Variants in SLC41A3 observed in about 807,000 individuals in gnomAD.
The protein encoded by SLC41A3 is SLC41A1-like 2.
Under a neutral mutation model 45.4 loss-of-function variants are expected in SLC41A3, and 44 were observed. The observed-to-expected ratio is 0.97, with a 90% CI of 0.76 to 1.25. The LOEUF is 1.25. Among genes scored for constraint, SLC41A3 ranks in the 50% most tolerant of loss-of-function variants. SLC41A3 has a pLI of 0.00. For synonymous variants in SLC41A3, 256 were observed against 252.4 expected, an observed-to-expected ratio of 1.01 and a Z score of -0.13; for missense variants, 550 against 600.6, an observed-to-expected ratio of 0.92 and a Z score of 0.88.
At position 126,012,719 on chromosome 3, in the gene SLC41A3, G is replaced by C. The variant is rs751499308; in HGVS notation, c.1001C>G (p.Thr334Ser). Residue 334 changes from threonine to serine, a missense_variant, in exon 9 of 11, where the codon ACC becomes AGC. Coordinates refer to ENST00000360370, the MANE Select transcript of SLC41A3 (RefSeq NM_017836.4). ...GVGGNLVAIQ[T>S]SRISTYLHMW... Reference sequence around the variant, plus strand: ...GTGCAGGTAGGTTGAGATTCGGCTGGTCTGAATGGCCACCAGATTGCCACC... The same window carrying C: ...GTGCAGGTAGGTTGAGATTCGGCTGCTCTGAATGGCCACCAGATTGCCACC... 4 of 1,614,216 alleles carry C rather than the reference G, an allele frequency of 2.5e-6. No homozygotes were observed. The highest frequency in any genetic ancestry group is 1.1e-5 in the South Asian group (1 of 91,076).
In SLC41A3 at chr3:126,012,823, C is replaced by G. The variant is rs1559806223; in HGVS notation, c.971-74G>C. 2.5e-5 allele frequency: 39 copies of G among 1,581,248 alleles called. No individual in the cohort carries two copies. The South Asian group carries it at 4.2e-4, about 17-fold the overall frequency. ...AAGTTGTATCCCTTATTTTAAGTTCCCTTCCTCCAGGAAGTCTTCTTTGGT... is the reference window on the plus strand; with the variant it reads ...AAGTTGTATCCCTTATTTTAAGTTCGCTTCCTCCAGGAAGTCTTCTTTGGT... On this transcript the variant is annotated intron_variant, in intron 8 of 10. Transcript: ENST00000360370.
At chr3:126,027,438 G>A (rs1308815843) in intron 4 of SLC41A3, among the ~76,000 whole-genome samples, 1 of 152,114 alleles carries the variant, frequency 6.6e-6, no homozygotes. Context: ...CACAAGCTAA[G>A]CAGATGCCAG....
At chr3:126,010,416 G>A (rs1208189624) in intron 9 of SLC41A3, among the ~76,000 whole-genome samples, 1 of 152,174 alleles carries the variant, frequency 6.6e-6, no homozygotes, top group African/African-American at 2.4e-5. Context: ...AGGTTGCAGT[G>A]AGCCAAGATT....
At position 126,011,061 on chromosome 3, in the gene SLC41A3, T is replaced by A. The variant is rs142053080; in HGVS notation, c.1105+1554A>T. Among the ~76,000 whole-genome samples, 242 of 152,202 alleles carry A rather than the reference T, an allele frequency of 1.6e-3. 1 individual carries two copies. The highest frequency in any genetic ancestry group is 7.6e-3 in the Admixed American group (117 of 15,302). ...AGAGCAAGAAAAATCTCAACCTGGATGAGAAAAGACAACCAACAGACAGCA... is the reference window on the plus strand; with the variant it reads ...AGAGCAAGAAAAATCTCAACCTGGAAGAGAAAAGACAACCAACAGACAGCA... On this transcript the variant is annotated intron_variant, in intron 9 of 10. Coordinates refer to ENST00000360370, the MANE Select transcript of SLC41A3 (RefSeq NM_017836.4).
chr3:126,092,697 G>C (rs1280413278), intron 1 of SLC41A3: 3 of 152,578 alleles, frequency 2.0e-5, no homozygotes, highest in Admixed American at 2.0e-4. Context: ...GAGGACACCC[G>C]AGTACTCTTA....
intron 1 of SLC41A3, among the ~76,000 whole-genome samples, chr3:126,093,645 A>C (rs1412177857): frequency 6.6e-6 from 1 of 152,260 alleles, no homozygotes; most frequent in Non-Finnish European, 1.5e-5. Context: ...ATTGATTTAG[A>C]TTACAATGGG....
intron 1 of SLC41A3, among the ~76,000 whole-genome samples, chr3:126,096,886 G>T (rs1358713318): frequency 6.6e-6 from 1 of 152,168 alleles, no homozygotes; most frequent in Non-Finnish European, 1.5e-5. Flanking sequence ...GCTGGTCTTG[G>T]CAGGTCCTCA....
At chr3:126,070,352 C>G (rs772451305) in intron 1 of SLC41A3, 1 of 152,228 alleles carries the variant, frequency 6.6e-6, no homozygotes, top group Non-Finnish European at 1.5e-5. Context: ...GAGCTCAAAC[C>G]GTATTGTGAA....
At chr3:126,036,812 T>C (rs894213528) in intron 3 of SLC41A3, among the ~76,000 whole-genome samples, 2 of 152,228 alleles carry the variant, frequency 1.3e-5, no homozygotes, top group African/African-American at 4.8e-5. Context: ...AGATGGAAGA[T>C]GGAACATCTG....
intron 5 of SLC41A3, chr3:126,023,783 C>T (rs898514439): frequency 6.6e-6 from 1 of 152,210 alleles, no homozygotes. Context: ...TCCTAGTCCC[C>T]ATCCACAGCC....
chr3:126,036,092 C>T (rs931556796), intron 3 of SLC41A3, among the ~76,000 whole-genome samples: 18 of 152,238 alleles, frequency 1.2e-4, no homozygotes, highest in Non-Finnish European at 2.2e-4. Context: ...TAAAAAACTT[C>T]TTTGAATCTG....
intron 2 of SLC41A3, among the ~76,000 whole-genome samples, chr3:126,057,564 C>A (rs565501917): frequency 6.6e-6 from 1 of 152,206 alleles, no homozygotes; most frequent in East Asian, 1.9e-4. Context: ...CACTTCCACT[C>A]CCATCCCTAA....
At position 126,022,766 on chromosome 3, in the gene SLC41A3, T is replaced by G. The variant is rs368782101; in HGVS notation, c.745+20A>C. The G allele has an allele frequency of 4.3e-6, 7 of 1,613,782 alleles. No homozygotes were observed. The African/African-American group carries it at 9.3e-5, about 22-fold the overall frequency. ...CCCCTCCACGGAGCCTTTGTGTCTA[T>G]AGAAGAAGACACTCTTTACCTTTGT... On this transcript the variant is annotated intron_variant, in intron 6 of 10. Coordinates refer to ENST00000360370, the MANE Select transcript of SLC41A3 (RefSeq NM_017836.4).
At chr3:126,099,403 T>C (rs1945665425) in intron 1 of SLC41A3, among the ~76,000 whole-genome samples, 1 of 152,222 alleles carries the variant, frequency 6.6e-6, no homozygotes, top group Non-Finnish European at 1.5e-5. Flanking sequence ...GTGAATTTCA[T>C]TAGAGGATTT....
At chr3:126,081,540 T>C (rs982618023) in intron 1 of SLC41A3, among the ~76,000 whole-genome samples, 1 of 152,258 alleles carries the variant, frequency 6.6e-6, no homozygotes, top group African/African-American at 2.4e-5. Flanking sequence ...ATGATGGATG[T>C]CTATATTGCA....
intron 4 of SLC41A3, among the ~76,000 whole-genome samples, chr3:126,027,658 G>A (rs998745442): frequency 6.6e-6 from 1 of 152,334 alleles, no homozygotes; most frequent in African/African-American, 2.4e-5. Context: ...GGGTGGAAGA[G>A]TTTGGAGGGC....
At chr3:126,090,197 G>A (rs1945464970) in intron 1 of SLC41A3, among the ~76,000 whole-genome samples, 2 of 152,058 alleles carry the variant, frequency 1.3e-5, no homozygotes, top group African/African-American at 2.4e-5. Context: ...GGAGACAATG[G>A]TTAATGTACA....
At chr3:126,017,235 C>T (rs1940391254) in intron 6 of SLC41A3, among the ~76,000 whole-genome samples, 1 of 152,218 alleles carries the variant, frequency 6.6e-6, no homozygotes, top group African/African-American at 2.4e-5. Flanking sequence ...TTCGGGTGCA[C>T]AATCTCATCT....
At chr3:126,058,392 G>A (rs1943808546) in intron 2 of SLC41A3, among the ~76,000 whole-genome samples, 1 of 152,174 alleles carries the variant, frequency 6.6e-6, no homozygotes, top group African/African-American at 2.4e-5. Flanking sequence ...GCTCTGGTAG[G>A]GATGAGCATG....
Sources: allele counts gnomAD v4.1 joint callset (sites outside exome capture counted in the v4.1 genomes callset), GRCh38; gene constraint gnomAD v4.1.1; transcripts MANE v1.5; gene names NCBI Gene and HGNC (gene_info 2026-07-23, HGNC 2026-07-21).